PPP2R2B: variants seen among roughly 807,000 people sequenced by gnomAD.
PPP2R2B encodes serine/threonine-protein phosphatase 2A 55 kDa regulatory subunit B beta isoform.
PPP2R2B carries 5 observed loss-of-function variants against 46.0 expected under a neutral mutation model. The ratio of observed to expected loss-of-function variants is 0.11; its 90% CI spans 0.06 to 0.23. The LOEUF (loss-of-function observed/expected upper bound fraction) is 0.23, where lower values mean the gene tolerates loss of function less well. Among genes scored for constraint, PPP2R2B ranks in the 10% least tolerant of loss-of-function variants. PPP2R2B has a pLI of 1.00. For synonymous variants in PPP2R2B, 215 were observed against 206.7 expected (o/e 1.04, Z -0.34); for missense variants, 367 against 575.0 (o/e 0.64, Z 3.70).
intron 2 of PPP2R2B, among the ~76,000 whole-genome samples, chr5:146,733,683 G>A (rs1341878384): frequency 6.8e-6 from 1 of 146,830 alleles, no homozygotes; most frequent in Non-Finnish European, 1.5e-5. Context: ...GTAGATCTGG[G>A]GCAAGGAAAA....
chr5:146,868,391 A>T (rs1761429935), intron 2 of PPP2R2B, among the ~76,000 whole-genome samples: 1 of 152,168 alleles, frequency 6.6e-6, no homozygotes, highest in Admixed American at 6.5e-5. Context: ...TTTAAAGCCT[A>T]TGGCCATGTT....
chr5:146,923,761 A>G (rs545618044), intron 1 of PPP2R2B, among the ~76,000 whole-genome samples: 1 of 152,318 alleles, frequency 6.6e-6, no homozygotes, highest in South Asian at 2.1e-4. Context: ...CATAAAAGAC[A>G]CATGCACACA....
chr5:146,676,081 T>G (rs1777691714), intron 5 of PPP2R2B, among the ~76,000 whole-genome samples: 1 of 151,970 alleles, frequency 6.6e-6, no homozygotes, highest in African/African-American at 2.4e-5. Flanking sequence ...TGCCCTGACA[T>G]GTATTGAAAC....
intron 1 of PPP2R2B, among the ~76,000 whole-genome samples, chr5:147,036,686 T>C (rs1279987645): frequency 6.6e-6 from 1 of 152,186 alleles, no homozygotes; most frequent in Non-Finnish European, 1.5e-5. Flanking sequence ...TCTTGTATTT[T>C]TGACTTTTTA....
intron 5 of PPP2R2B, among the ~76,000 whole-genome samples, chr5:146,658,067 A>T (rs1776448295): frequency 6.6e-6 from 1 of 152,136 alleles, no homozygotes; most frequent in South Asian, 2.1e-4. Context: ...AGCTTAGAGG[A>T]GGTAGGCAAT....
At chr5:147,075,835 A>C (rs569534672) in intron 2 of PPP2R2B, among the ~76,000 whole-genome samples, 1 of 152,268 alleles carries the variant, frequency 6.6e-6, no homozygotes, top group South Asian at 2.1e-4. Flanking sequence ...CTCTCATCAG[A>C]CTTCCTATAA....
intron 7 of PPP2R2B, among the ~76,000 whole-genome samples, chr5:146,609,765 G>A (rs1240377713): frequency 1.6e-4 from 22 of 139,200 alleles, no homozygotes; most frequent in Non-Finnish European, 3.1e-5. Flanking sequence ...ACTCCCACCC[G>A]AATATTGCGC....
intron 1 of PPP2R2B, among the ~76,000 whole-genome samples, chr5:147,014,491 G>A (rs1222244702): frequency 6.6e-6 from 1 of 152,026 alleles, no homozygotes; most frequent in Non-Finnish European, 1.5e-5. Context: ...CAACACAAAT[G>A]TCCAACAATG....
At chr5:146,872,202 C>A (rs1761654648) in intron 2 of PPP2R2B, among the ~76,000 whole-genome samples, 1 of 152,132 alleles carries the variant, frequency 6.6e-6, no homozygotes, top group Non-Finnish European at 1.5e-5. Context: ...CCCCTGGGGA[C>A]CTGGATGCTA....
intron 5 of PPP2R2B, among the ~76,000 whole-genome samples, chr5:146,670,774 C>T (rs72652841): frequency 0.18 from 26,634 of 151,926 alleles, 2,797 homozygotes; most frequent in East Asian, 0.36. Context: ...GGATTATAGG[C>T]ATGAGCCACT....
At chr5:146,806,175 A>G (rs1270794945) in intron 2 of PPP2R2B, among the ~76,000 whole-genome samples, 1 of 152,210 alleles carries the variant, frequency 6.6e-6, no homozygotes, top group African/African-American at 2.4e-5. Flanking sequence ...ACACATGTGC[A>G]CAAGCAGAAA....
At chr5:146,879,073 A>C, upstream of PPP2R2B, 1 of 291,856 alleles carries the variant, frequency 3.4e-6, no homozygotes. Context: ...GAGAACAGCA[A>C]AGAGAAGTAG....
intron 1 of PPP2R2B, among the ~76,000 whole-genome samples, chr5:146,929,407 CTGATATAGTTT>C (rs1235148886): frequency 6.6e-6 from 1 of 151,996 alleles, no homozygotes; most frequent in Non-Finnish European, 1.5e-5. Flanking sequence ...TTCTATGGTT[CTGATATAGTTT>C]TAGAAAACAT....
chr5:146,653,506 G>A (rs190658536), intron 5 of PPP2R2B, among the ~76,000 whole-genome samples: 14 of 152,252 alleles, frequency 9.2e-5, no homozygotes, highest in Admixed American at 2.6e-4. Flanking sequence ...TTCCTCTGCC[G>A]TCAAGAGGTA....
intron 2 of PPP2R2B, among the ~76,000 whole-genome samples, chr5:146,800,730 T>A (rs1756812163): frequency 1.3e-5 from 2 of 151,910 alleles, no homozygotes; most frequent in Admixed American, 1.3e-4. Context: ...TCAGCTGTGC[T>A]TGGATGGGGT....
intron 7 of PPP2R2B, among the ~76,000 whole-genome samples, chr5:146,637,524 A>G (rs547242452): frequency 7.9e-5 from 12 of 152,306 alleles, no homozygotes; most frequent in Admixed American, 5.9e-4. Context: ...TTGTTCTCTC[A>G]GCCAGAATTT....
At chr5:146,623,269 A>G (rs1424841905) in intron 7 of PPP2R2B, among the ~76,000 whole-genome samples, 1 of 152,236 alleles carries the variant, frequency 6.6e-6, no homozygotes, top group Non-Finnish European at 1.5e-5. Flanking sequence ...TGAAATCACT[A>G]TTTCAACTGT....
At chr5:146,765,053 A>T (rs1754396734) in intron 2 of PPP2R2B, among the ~76,000 whole-genome samples, 4 of 152,226 alleles carry the variant, frequency 2.6e-5, no homozygotes, top group Admixed American at 2.0e-4. Flanking sequence ...AGATTTTGTT[A>T]AAAGTGTGTC....
intron 5 of PPP2R2B, among the ~76,000 whole-genome samples, chr5:146,661,760 T>G (rs1354847018): frequency 6.6e-6 from 1 of 152,176 alleles, no homozygotes; most frequent in East Asian, 1.9e-4. Flanking sequence ...TCTGCCAGTT[T>G]TATCTTATTT....
Sources: allele counts gnomAD v4.1 joint callset (sites outside exome capture counted in the v4.1 genomes callset), GRCh38; gene constraint gnomAD v4.1.1; transcripts MANE v1.5; gene names NCBI Gene and HGNC (gene_info 2026-07-23, HGNC 2026-07-21).